The following AKAP13 variants were observed in gnomAD, a reference collection of about 807,000 sequenced individuals.
AKAP13 encodes A-kinase anchor protein 13.
In AKAP13, 80 loss-of-function variants were observed where a neutral mutation model predicts 264.5. The ratio of observed to expected loss-of-function variants is 0.30; its 90% CI spans 0.25 to 0.36. The LOEUF (loss-of-function observed/expected upper bound fraction) is 0.36. Among genes scored for constraint, AKAP13 ranks in the 10% least tolerant of loss-of-function variants. The pLI, the probability that AKAP13 is intolerant of heterozygous loss-of-function variation, is 1.00. For synonymous variants in AKAP13, 1,380 were observed against 1,250.2 expected (o/e 1.10, Z -2.19); for missense variants, 3,712 against 3,435.2 (o/e 1.08, Z -2.01).
At chr15:85,620,257 C>A in intron 8 of AKAP13, 1 of 1,318,474 alleles carries the variant, frequency 7.6e-7, no homozygotes, top group Non-Finnish European at 1.1e-6. Flanking sequence ...CCTGGCCCTC[C>A]TGTATTGGGA....
rs1395545401 is a variant in AKAP13 at position 85,580,817 on chromosome 15, G to A, written c.2749G>A (p.Val917Ile). Residue 917 changes from valine (V) to isoleucine (I), a missense_variant, in exon 7 of 37, where the codon GTT (valine) becomes ATT (isoleucine). Physicochemically the swap from Val to Ile is conservative, Grantham distance 29 (BLOSUM62 3). Around this residue, in one of 3 missense-constraint regions of AKAP13, gnomAD observed 2,759 missense variants for 2,411.7 expected, o/e 1.14. Transcript: ENST00000394518. ...VLTEEGKLLV[V>I]SESSAAQEQD... ...GACTGAAGAAGGAAAACTTCTGGTG[G>A]TTTCAGAAAGCTCTGCAGCTCAGGA... 6.2e-7 allele frequency: 1 copy of A among 1,614,102 alleles called. No homozygotes were observed. Among genetic ancestry groups the A allele is most frequent in the South Asian group, 1.1e-5 (1 of 91,082 alleles).
intron 8 of AKAP13, among the ~76,000 whole-genome samples, chr15:85,605,614 C>T (rs1019852386): frequency 6.6e-6 from 1 of 152,148 alleles, no homozygotes; most frequent in Non-Finnish European, 1.5e-5. Context: ...GAGTCATGCA[C>T]ATGTAGCCCG....
chr15:85,444,296 C>G (rs1377431267), intron 1 of AKAP13, among the ~76,000 whole-genome samples: 1 of 152,152 alleles, frequency 6.6e-6, no homozygotes, highest in Non-Finnish European at 1.5e-5. Flanking sequence ...CTACCTCAGG[C>G]TTATTCAGAC....
At chr15:85,609,189 C>T (rs2080486178) in intron 8 of AKAP13, among the ~76,000 whole-genome samples, 1 of 152,200 alleles carries the variant, frequency 6.6e-6, no homozygotes, top group Non-Finnish European at 1.5e-5. Flanking sequence ...TAACTATAGT[C>T]ACCCTTCGGT....
chr15:85,517,510 G>T (rs1056271589), intron 2 of AKAP13, among the ~76,000 whole-genome samples: 4 of 152,104 alleles, frequency 2.6e-5, no homozygotes, highest in Non-Finnish European at 5.9e-5. Context: ...GAATTCCAGG[G>T]TTGAAATCTA....
chr15:85,382,459 C>G (rs529667279), intron 1 of AKAP13, among the ~76,000 whole-genome samples: 1 of 152,164 alleles, frequency 6.6e-6, no homozygotes, highest in South Asian at 2.1e-4. Context: ...CGCTCCATGG[C>G]TTCCCTTCCT....
Position 85,735,673 on chromosome 15 carries a change from C to A in AKAP13, c.7512+43C>A, listed in dbSNP as rs757909398. 5.2e-6 allele frequency: 8 copies of A among 1,544,688 alleles called. No homozygotes were observed. In the Admixed American group the frequency reaches 5.7e-5, roughly 11 times the overall value. Reference sequence around the variant, plus strand: ...ACACCATGAACCTCCTTGGCACTTTCCTCTGAATTCATAACCTTTGAAATT... The same window carrying A: ...ACACCATGAACCTCCTTGGCACTTTACTCTGAATTCATAACCTTTGAAATT... On this transcript the variant is annotated intron_variant, in intron 32 of 36. Transcript: ENST00000394518.
chr15:85,509,587 C>T (rs2076351242), intron 2 of AKAP13, among the ~76,000 whole-genome samples: 1 of 152,136 alleles, frequency 6.6e-6, no homozygotes, highest in African/African-American at 2.4e-5. Context: ...TTTGCTGTGA[C>T]CGTGCCTTAT....
chr15:85,519,679 C>T (rs1248016776), intron 2 of AKAP13, among the ~76,000 whole-genome samples: 2 of 152,176 alleles, frequency 1.3e-5, no homozygotes, highest in African/African-American at 4.8e-5. Flanking sequence ...GTTTTACCAG[C>T]CGTGATATTC....
intron 1 of AKAP13, among the ~76,000 whole-genome samples, chr15:85,421,575 G>C (rs2072522706): frequency 6.6e-6 from 1 of 152,244 alleles, no homozygotes; most frequent in African/African-American, 2.4e-5. Context: ...GGGTTTGTGT[G>C]TGCGCGTGTG....
intron 8 of AKAP13, among the ~76,000 whole-genome samples, chr15:85,615,268 A>G (rs4843085): frequency 0.2 from 30,917 of 152,152 alleles, 4,162 homozygotes; most frequent in Middle Eastern, 0.41. Flanking sequence ...ACTGCTTGCT[A>G]CTAATTTGAA....
At chr15:85,695,678 T>C (rs1236834842) in intron 17 of AKAP13, among the ~76,000 whole-genome samples, 1 of 152,228 alleles carries the variant, frequency 6.6e-6, no homozygotes, top group East Asian at 1.9e-4. Flanking sequence ...CCAAAAACCA[T>C]GAGAGCTCTC....
chr15:85,507,314 A>C (rs2076258407), intron 2 of AKAP13, among the ~76,000 whole-genome samples: 1 of 151,954 alleles, frequency 6.6e-6, no homozygotes, highest in Non-Finnish European at 1.5e-5. Flanking sequence ...TGTTTTTGTA[A>C]ATAAAGTTTT....
At chr15:85,733,304 T>C (rs745457117) in intron 30 of AKAP13, among the ~76,000 whole-genome samples, 5 of 152,256 alleles carry the variant, frequency 3.3e-5, no homozygotes, top group Non-Finnish European at 7.3e-5. Context: ...TTTATTTTTT[T>C]TTCTGGCATA....
intron 1 of AKAP13, among the ~76,000 whole-genome samples, chr15:85,403,748 G>A (rs2071534227): frequency 6.6e-6 from 1 of 151,716 alleles, no homozygotes; most frequent in African/African-American, 2.4e-5. Context: ...GGCTGAGGCA[G>A]GAGAATCGCT....
At chr15:85,391,660 C>G (rs568689616) in intron 1 of AKAP13, among the ~76,000 whole-genome samples, 1 of 151,610 alleles carries the variant, frequency 6.6e-6, no homozygotes, top group African/African-American at 2.4e-5. Flanking sequence ...AATTTTTGTA[C>G]TTTTTGTAGA....
rs1555461459 is a variant in AKAP13 at position 85,703,853 on chromosome 15, A to AAT, written c.5465-4148_5465-4147dup. The stretch of plus-strand genomic sequence containing the variant: ...GCAAGACTCCATCTCAAAAAAAAAA[A>AAT]ATATATATATATATATATACACACA... On this transcript the variant is annotated intron_variant, in intron 17 of 36. Coordinates refer to ENST00000394518, the MANE Select transcript of AKAP13 (RefSeq NM_007200.5). Among the ~76,000 whole-genome samples the AAT allele has an allele frequency of 7.0e-3, 997 of 142,498 alleles. 9 individuals are homozygous for AAT. The highest frequency in any genetic ancestry group is 0.018 in the East Asian group (78 of 4,248). 93.5% of individuals were successfully genotyped at this position (142,498 alleles called of 152,430 possible). A position where few individuals can be genotyped will look rare whatever the true frequency, so the allele number is the denominator to read the frequency against.
intron 4 of AKAP13, among the ~76,000 whole-genome samples, chr15:85,541,219 G>A (rs537422088): frequency 6.6e-6 from 1 of 152,206 alleles, no homozygotes; most frequent in African/African-American, 2.4e-5. Flanking sequence ...TTGAATGCTA[G>A]TTAATTATAT....
intron 2 of AKAP13, among the ~76,000 whole-genome samples, chr15:85,490,792 C>T (rs1322011347): frequency 1.3e-5 from 2 of 152,138 alleles, no homozygotes; most frequent in Admixed American, 1.3e-4. Context: ...CCCTGCTCTC[C>T]TGGTACTTGC....
Sources: gnomAD v4.1 joint callset for allele counts (sites outside exome capture counted in the v4.1 genomes callset) on GRCh38, gnomAD v4.1.1 for gene constraint, gnomAD v4.1.1 regional missense constraint, MANE v1.5 for transcripts, NCBI Gene and HGNC (gene_info 2026-07-23, HGNC 2026-07-21) for gene names.